The following RAD54L2 variants were observed in gnomAD, a reference collection of about 807,000 sequenced individuals.
RAD54L2 encodes RAD54 like 2.
A neutral mutation model predicts 138.4 loss-of-function variants in RAD54L2; 27 were observed. The ratio of observed to expected loss-of-function variants is 0.20; its 90% confidence interval spans 0.14 to 0.27. The LOEUF (loss-of-function observed/expected upper bound fraction) is 0.27, where lower values mean the gene tolerates loss of function less well. Among genes scored for constraint, RAD54L2 ranks in the 10% least tolerant of loss-of-function variants. RAD54L2 has a pLI of 1.00. For synonymous variants in RAD54L2, 644 were observed against 723.2 expected (o/e 0.89, Z 1.76); for missense variants, 1,396 against 1,890.2 (o/e 0.74, Z 4.85).
chr3:51,653,461 A>T (rs367636722), intron 19 of RAD54L2, among the ~76,000 whole-genome samples: 1 of 152,196 alleles, frequency 6.6e-6, no homozygotes, highest in African/African-American at 2.4e-5. Context: ...AAATCATGCT[A>T]CTATAAAGAC....
chr3:51,619,663 C>T (rs1217619250), intron 3 of RAD54L2, among the ~76,000 whole-genome samples: 4 of 152,132 alleles, frequency 2.6e-5, no homozygotes, highest in Admixed American at 1.3e-4. Flanking sequence ...GTGGCAGGAC[C>T]GATATACCAA....
At chr3:51,595,253 CAGGG>C (rs1490426376) in intron 3 of RAD54L2, among the ~76,000 whole-genome samples, 1 of 152,074 alleles carries the variant, frequency 6.6e-6, no homozygotes, top group Non-Finnish European at 1.5e-5. Flanking sequence ...GGCCTGTAGA[CAGGG>C]AGGATCAGTT....
chr3:51,624,518 C>T lies in RAD54L2; in HGVS notation c.140-3035C>T, dbSNP rs113488305. On this transcript the variant is annotated intron_variant, in intron 3 of 22. Coordinates refer to ENST00000684192, the MANE Select transcript of RAD54L2 (RefSeq NM_015106.4). ...CAAGCAATTCCCTGACCATGGCCTC[C>T]CAGAGTGCTGGGATTACAGGCGTGA... 4.0e-3 allele frequency among the ~76,000 whole-genome samples: 609 copies of T among 152,222 alleles called. 3 individuals carry two copies. Among genetic ancestry groups the T allele is most frequent in the African/African-American group, 0.014 (562 of 41,520 alleles).
At chr3:51,624,232 GT>G (rs747895714) in intron 3 of RAD54L2, among the ~76,000 whole-genome samples, 258 of 130,450 alleles carry the variant, frequency 2.0e-3, no homozygotes, top group Admixed American at 4.5e-3. Context: ...GGTGTGTGTG[GT>G]TTTTTTTTTT....
At chr3:51,657,695 C>G in intron 21 of RAD54L2, 26 bp downstream of exon 21, 2 of 1,481,118 alleles carry the variant, frequency 1.4e-6, no homozygotes, top group Non-Finnish European at 1.9e-6. Flanking sequence ...AGGACCTGTT[C>G]CCTGCCTTTG....
In RAD54L2 at chr3:51,627,638, C is replaced by G; in HGVS notation, c.225C>G (p.Thr75=). The G allele has an allele frequency of 3.8e-6, 6 of 1,593,128 alleles. No individual in the cohort carries two copies. Among genetic ancestry groups the G allele is most frequent in the Non-Finnish European group, 5.1e-6 (6 of 1,170,352 alleles). The part of the protein sequence containing the change: ...GQQPPRCTST[T]SSQSEPSEQL... ...AGCCGCCGCGGTGCACTTCAACTAC[C>G]TCATCTCAGTCTGAGCCTTCAGAGC... The change falls in exon 4 of 23, where the codon ACC becomes ACG. Residue 75 remains threonine, a synonymous_variant. Transcript: ENST00000684192.
At chr3:51,629,785 C>T (rs1700793987) in intron 5 of RAD54L2, among the ~76,000 whole-genome samples, 1 of 152,042 alleles carries the variant, frequency 6.6e-6, no homozygotes, top group Non-Finnish European at 1.5e-5. Flanking sequence ...ATAGCTTGAA[C>T]CAGGGAGGTG....
intron 3 of RAD54L2, among the ~76,000 whole-genome samples, chr3:51,598,642 G>C (rs746041777): frequency 6.6e-6 from 1 of 152,122 alleles, no homozygotes; most frequent in African/African-American, 2.4e-5. Flanking sequence ...TGTAATCCCA[G>C]CTACTCGGGA....
At chr3:51,567,210 G>A (rs1212008179) in intron 2 of RAD54L2, among the ~76,000 whole-genome samples, 1 of 151,986 alleles carries the variant, frequency 6.6e-6, no homozygotes, top group African/African-American at 2.4e-5. Flanking sequence ...TGGTCCTTGG[G>A]GGTTTATATT....
Position 51,664,249 on chromosome 3 carries a change from G to A in RAD54L2, c.*829G>A, listed in dbSNP as rs186483096. ...TTGGGGAAATTCATGAGAGAAAATG[G>A]GCATTACCAATCTATGTCTCTTAAC... On this transcript the variant is annotated 3_prime_UTR_variant, in exon 23 of 23. Coordinates refer to ENST00000684192, the MANE Select transcript of RAD54L2 (RefSeq NM_015106.4). 3 of 152,220 alleles carry A rather than the reference G, an allele frequency of 2.0e-5. No individual in the cohort carries two copies. Among genetic ancestry groups the A allele is most frequent in the Admixed American group, 2.0e-4 (3 of 15,284 alleles). 9.4% of individuals were successfully genotyped at this position (152,220 alleles called of 1,614,324 possible).
chr3:51,662,580 C>T lies in RAD54L2; in HGVS notation c.3564C>T (p.Ala1188=). The T allele has an allele frequency of 6.2e-7, 1 of 1,613,630 alleles. No individual in the cohort carries two copies. The highest frequency in any genetic ancestry group is 8.5e-7 in the Non-Finnish European group (1 of 1,179,770). The stretch of plus-strand genomic sequence containing the variant: ...AGCAGTATGCAGATGTGGCTGCTGC[C>T]CGGGAATCCCGTCAGAGCTCCCCAA... ...ELQQYADVAA[A]RESRQSSPST... is the part of the protein sequence containing the mutation. Residue 1188 remains alanine, a synonymous_variant, in exon 23 of 23, where the codon GCC becomes GCT. Coordinates refer to ENST00000684192, the MANE Select transcript of RAD54L2 (RefSeq NM_015106.4). The surrounding 1 kb of genome is among the most constrained non-coding windows in gnomAD (Gnocchi z 4.6).
At chr3:51,570,343 C>T (rs1173822404) in intron 2 of RAD54L2, among the ~76,000 whole-genome samples, 2 of 150,266 alleles carry the variant, frequency 1.3e-5, no homozygotes, top group Non-Finnish European at 3.0e-5. Context: ...GGGATTTCAC[C>T]ATCTTGGCCA....
In RAD54L2 at chr3:51,538,820, C is replaced by T. The variant is rs1171982156; in HGVS notation, c.-212C>T. ...TTCCCGCCTCAGCCGCCGCCCCCGC[C>T]TCCGCCGCCGCAGACTTTGCCTAGG... On this transcript the variant is annotated 5_prime_UTR_variant, in exon 1 of 23. Transcript: ENST00000684192. Among the ~76,000 whole-genome samples the T allele has an allele frequency of 1.3e-5, 2 of 151,928 alleles. No homozygotes were observed. The highest frequency in any genetic ancestry group is 1.5e-5 in the Non-Finnish European group (1 of 67,950).
chr3:51,668,098 T>TGTGTTTGTGTGCTGTGC lies in RAD54L2; in HGVS notation c.*4679_*4695dup, dbSNP rs1701950472. ...GTGTGTGTGTGTGAGTGTGTGTGTG[T>TGTGTTTGTGTGCTGTGC]GTGTTTGTGTGCTGTGCTCATGTGC... is the stretch of plus-strand genomic sequence containing the variant. On this transcript the variant is annotated 3_prime_UTR_variant, in exon 23 of 23. Transcript: ENST00000684192. 1 of 152,898 alleles carries TGTGTTTGTGTGCTGTGC rather than the reference T, an allele frequency of 6.5e-6. No individual in the cohort carries two copies. Among genetic ancestry groups the TGTGTTTGTGTGCTGTGC allele is most frequent in the Admixed American group, 6.5e-5 (1 of 15,292 alleles). The allele number at this position is 152,898 out of a possible 1,614,324, so 9.5% of individuals were successfully genotyped here. A position where few individuals can be genotyped will look rare whatever the true frequency, so the allele number is the denominator to read the frequency against.
At position 51,632,025 on chromosome 3, in the gene RAD54L2, A is replaced by G. The variant is rs73080615; in HGVS notation, c.825+1094A>G. 9.5e-3 allele frequency among the ~76,000 whole-genome samples: 1,435 copies of G among 151,794 alleles called. 11 individuals carry two copies. Among genetic ancestry groups the G allele is most frequent in the Admixed American group, 0.015 (230 of 15,248 alleles). ...TCTGGTAATTACCATTCTATTTTCT[A>G]CTTCCATGAGATCAACTTTTTTAGT... On this transcript the variant is annotated intron_variant, in intron 7 of 22. Transcript: ENST00000684192.
At chr3:51,643,762 G>T in intron 15 of RAD54L2, 113 bp from the exon 16 acceptor site, 1 of 824,462 alleles carries the variant, frequency 1.2e-6, no homozygotes, top group South Asian at 1.5e-5. Context: ...GGTGAGATCT[G>T]AGCACTGTTG....
At chr3:51,623,892 G>A (rs1559640538) in intron 3 of RAD54L2, among the ~76,000 whole-genome samples, 1 of 151,536 alleles carries the variant, frequency 6.6e-6, no homozygotes, top group Non-Finnish European at 1.5e-5. Context: ...CAGGAGAATG[G>A]TGTGAATCTG....
intron 2 of RAD54L2, among the ~76,000 whole-genome samples, chr3:51,572,798 C>T (rs1462547187): frequency 6.6e-6 from 1 of 151,548 alleles, no homozygotes; most frequent in Non-Finnish European, 1.5e-5. Flanking sequence ...GCCACTACGC[C>T]CAGCTAATTT....
chr3:51,539,397 G>T (rs1577374795), intron 1 of RAD54L2, among the ~76,000 whole-genome samples: 1 of 152,184 alleles, frequency 6.6e-6, no homozygotes, highest in South Asian at 2.1e-4. Flanking sequence ...GGCAGAAGAG[G>T]CATTGAGAGT....
Sources: allele counts gnomAD v4.1 joint callset (sites outside exome capture counted in the v4.1 genomes callset), GRCh38; gene constraint gnomAD v4.1.1; non-coding constraint Gnocchi (gnomAD v3.1); transcripts MANE v1.5; gene names NCBI Gene and HGNC (gene_info 2026-07-23, HGNC 2026-07-21).